The following HELZ variants were observed in gnomAD, a reference collection of about 807,000 sequenced individuals.
HELZ encodes the protein ATP-dependent RNA helicase with zinc finger domain.
Under a neutral mutation model 218.2 loss-of-function variants are expected in HELZ, and 23 were observed. The observed-to-expected ratio is 0.11, with a 90% CI of 0.08 to 0.15. The LOEUF (loss-of-function observed/expected upper bound fraction) is 0.15, where lower values mean the gene tolerates loss of function less well. Ranked by LOEUF, HELZ falls within the 10% of genes least tolerant of loss-of-function variation. HELZ has a pLI of 1.00. For missense variants in HELZ, 1,813 were observed against 2,353.7 expected, an observed-to-expected ratio of 0.77 and a Z score of 4.75; for synonymous variants, 814 against 829.4, an observed-to-expected ratio of 0.98 and a Z score of 0.32.
At chr17:67,112,084 A>G (rs575689936) in intron 28 of HELZ, among the ~76,000 whole-genome samples, 88 of 152,244 alleles carry the variant, frequency 5.8e-4, no homozygotes, top group Non-Finnish European at 1.1e-3. Flanking sequence ...AGCAAGGTAG[A>G]GAATGGTAAG....
In HELZ at chr17:67,109,397, T is replaced by C. The variant is rs117052455; in HGVS notation, c.4208A>G (p.Gln1403Arg). ...CTGCTGATTCAACTGACTTTGCTGC[T>C]GGACTACCTGATTTGGCTGAGGTGG... Reference protein sequence around the residue: ...QIPPQPNQVVQQQSQLNQQPQ... With the variant: ...QIPPQPNQVVRQQSQLNQQPQ... Residue 1403 changes from glutamine (Q) to arginine (R), a missense_variant, in exon 29 of 33, where the codon CAG becomes CGG. Coordinates refer to ENST00000358691, the MANE Select transcript of HELZ (RefSeq NM_014877.4). The C allele has an allele frequency of 4.2e-4, 686 of 1,614,218 alleles. 12 individuals carry two copies. In the East Asian group the frequency reaches 0.013, roughly 31 times the overall value.
At chr17:67,146,372 G>A (rs1230839818) in intron 20 of HELZ, among the ~76,000 whole-genome samples, 1 of 152,160 alleles carries the variant, frequency 6.6e-6, no homozygotes, top group African/African-American at 2.4e-5. Context: ...ATTATCTACA[G>A]TATTCAGTAC....
At chr17:67,223,916 ATCTGT>A (rs1261532576) in intron 3 of HELZ, among the ~76,000 whole-genome samples, 1 of 152,228 alleles carries the variant, frequency 6.6e-6, no homozygotes, top group African/African-American at 2.4e-5. Context: ...AACTCCTCTG[ATCTGT>A]TGCTGACCTA....
chr17:67,131,946 G>A (rs1213717150), intron 23 of HELZ, among the ~76,000 whole-genome samples: 1 of 152,032 alleles, frequency 6.6e-6, no homozygotes, highest in Non-Finnish European at 1.5e-5. Flanking sequence ...AATAGAATGA[G>A]GACAAGAATT....
At chr17:67,139,981 C>T (rs1187653699) in intron 21 of HELZ, among the ~76,000 whole-genome samples, 1 of 152,182 alleles carries the variant, frequency 6.6e-6, no homozygotes, top group Non-Finnish European at 1.5e-5. Flanking sequence ...CCCTCTTTCC[C>T]ACATAGCTCT....
chr17:67,096,359 T>G (rs759646105), intron 31 of HELZ, among the ~76,000 whole-genome samples: 2 of 152,188 alleles, frequency 1.3e-5, no homozygotes, highest in Non-Finnish European at 2.9e-5. Flanking sequence ...CATTAGTTCC[T>G]AACAAGACAG....
At chr17:67,165,120 T>C (rs558179241) in intron 15 of HELZ, among the ~76,000 whole-genome samples, 3 of 152,268 alleles carry the variant, frequency 2.0e-5, no homozygotes, top group East Asian at 3.9e-4. Context: ...ACTTTCAGGA[T>C]AGTACACAAG....
At chr17:67,084,459 G>A (rs1458029368) in intron 32 of HELZ, among the ~76,000 whole-genome samples, 5 of 151,846 alleles carry the variant, frequency 3.3e-5, no homozygotes, top group African/African-American at 4.8e-5. Context: ...TCAGGAGATC[G>A]AGACCATCCT....
At chr17:67,189,480 C>G (rs1007521778) in intron 11 of HELZ, 109 bp downstream of exon 11, 1 of 667,176 alleles carries the variant, frequency 1.5e-6, no homozygotes, top group African/African-American at 1.8e-5. Context: ...ATATAATGTA[C>G]TTAGATTAAA....
intron 4 of HELZ, among the ~76,000 whole-genome samples, chr17:67,217,578 C>T (rs978366181): frequency 1.3e-5 from 2 of 152,182 alleles, no homozygotes; most frequent in African/African-American, 4.8e-5. Context: ...AAGTCTTTAT[C>T]ACGAGCCAGC....
Position 67,156,597 on chromosome 17 carries a change from G to A in HELZ, c.2177+3664C>T, listed in dbSNP as rs556697265. On this transcript the variant is annotated intron_variant, in intron 17 of 32. Coordinates refer to ENST00000358691, the MANE Select transcript of HELZ (RefSeq NM_014877.4). ...CTGACTTGGCAGCATGCAAAGTTCC[G>A]CTGTTGCTCCCTCCCAGGAACTCTC... is the stretch of plus-strand genomic sequence containing the variant. Among the ~76,000 whole-genome samples the A allele has an allele frequency of 2.2e-3, 331 of 152,032 alleles. 4 individuals are homozygous for A. The highest frequency in any genetic ancestry group is 6.6e-3 in the African/African-American group (275 of 41,468).
intron 5 of HELZ, among the ~76,000 whole-genome samples, chr17:67,208,266 A>C (rs139425865): frequency 2.2e-3 from 329 of 152,316 alleles, no homozygotes; most frequent in African/African-American, 7.6e-3. Context: ...ATTGTAAAAA[A>C]AAATTGTAAA....
chr17:67,198,198 A>G (rs2040080828), intron 7 of HELZ, among the ~76,000 whole-genome samples: 1 of 152,270 alleles, frequency 6.6e-6, no homozygotes, highest in South Asian at 2.1e-4. Context: ...AAAATGTTTG[A>G]TAAACATTAT....
chr17:67,211,698 T>C (rs1411803232), intron 5 of HELZ, among the ~76,000 whole-genome samples: 1 of 148,512 alleles, frequency 6.7e-6, no homozygotes, highest in Non-Finnish European at 1.5e-5. Flanking sequence ...CCTTCTCTAC[T>C]AAAAATACAA....
At chr17:67,100,233 A>G (rs1567799298) in intron 31 of HELZ, among the ~76,000 whole-genome samples, 2 of 152,246 alleles carry the variant, frequency 1.3e-5, no homozygotes, top group South Asian at 4.1e-4. Context: ...AATTTAAAAC[A>G]AGAGTTGTTT....
At position 67,072,193 on chromosome 17, in the gene HELZ, G is replaced by A. The variant is rs1333732862; in HGVS notation, c.*6059C>T. ...CTACTAAAAAATACAAAAATTAGCT[G>A]GGCGTGGTGGCGCATGCCTGTAGTC... On this transcript the variant is annotated 3_prime_UTR_variant, in exon 33 of 33. Transcript: ENST00000358691. The A allele has an allele frequency of 6.6e-6, 1 of 152,288 alleles. No individual in the cohort carries two copies. 9.4% of individuals were successfully genotyped at this position (152,288 alleles called of 1,614,324 possible).
At position 67,162,064 on chromosome 17, in the gene HELZ, T is replaced by G. The variant is rs554350820; in HGVS notation, c.1896-988A>C. 3.5e-4 allele frequency among the ~76,000 whole-genome samples: 53 copies of G among 152,302 alleles called. 1 individual carries two copies. The highest frequency in any genetic ancestry group is 1.9e-3 in the South Asian group (9 of 4,824). On this transcript the variant is annotated intron_variant, in intron 15 of 32. Transcript: ENST00000358691. ...GAAAATTCTCTCTGTGAGGCTATAT[T>G]GTACTTAAATCAGAAGGTGGTTATT... is the stretch of plus-strand genomic sequence containing the variant.
chr17:67,188,197 T>A lies in HELZ; in HGVS notation c.1162+122A>T, dbSNP rs2144280194. ...TTACACAGTAAATGAGTCAATTAAG[T>A]TGGGATTTTTTTCTTTATTACTATT... On this transcript the variant is annotated intron_variant, in intron 12 of 32. Coordinates refer to ENST00000358691, the MANE Select transcript of HELZ (RefSeq NM_014877.4). The surrounding 1 kb of genome is among the most constrained non-coding windows in gnomAD (Gnocchi z 4.1). The A allele has an allele frequency of 1.1e-6, 1 of 894,490 alleles. No homozygotes were observed. The highest frequency in any genetic ancestry group is 2.5e-5 in the East Asian group (1 of 40,104). The allele number at this position is 894,490 out of a possible 1,614,324, so 55.4% of individuals were successfully genotyped here. A position where few individuals can be genotyped will look rare whatever the true frequency, so the allele number is the denominator to read the frequency against.
At chr17:67,224,880 T>C in intron 3 of HELZ, 1 of 789,782 alleles carries the variant, frequency 1.3e-6, no homozygotes, top group Non-Finnish European at 2.2e-6. Flanking sequence ...GTGGGCAAAC[T>C]AAGCCGATCT....
Sources: gnomAD v4.1 joint callset for allele counts (sites outside exome capture counted in the v4.1 genomes callset) on GRCh38, gnomAD v4.1.1 for gene constraint, Gnocchi (gnomAD v3.1) non-coding constraint, MANE v1.5 for transcripts, NCBI Gene and HGNC (gene_info 2026-07-23, HGNC 2026-07-21) for gene names.